PLD1: variants seen among roughly 807,000 people sequenced by gnomAD.
PLD1 encodes phospholipase D1.
PLD1 carries 112 observed loss-of-function variants against 137.1 expected under a neutral mutation model. The observed-to-expected ratio is 0.82, with a 90% CI of 0.70 to 0.96. The LOEUF is 0.96. Ranked by LOEUF, PLD1 falls within the 40% of genes least tolerant of loss-of-function variation. The pLI is 0.00. For missense variants in PLD1, 1,321 were observed against 1,342.0 expected, an observed-to-expected ratio of 0.98 and a Z score of 0.24; for synonymous variants, 431 against 454.7, an observed-to-expected ratio of 0.95 and a Z score of 0.66.
intron 14 of PLD1, among the ~76,000 whole-genome samples, chr3:171,688,351 T>TG (rs777831480): frequency 2.0e-5 from 3 of 152,354 alleles, no homozygotes; most frequent in Admixed American, 1.3e-4. Context: ...CCACATATTT[T>TG]TGTTTATGAA....
At position 171,737,521 on chromosome 3, in the gene PLD1, A is replaced by G. The variant is rs767471975; in HGVS notation, c.288+11T>C. On this transcript the variant is annotated intron_variant, in intron 3 of 26. Coordinates refer to ENST00000351298, the MANE Select transcript of PLD1 (RefSeq NM_002662.5). ...CAAAAGAAAAAAGGGTGAGTCCATA[A>G]ACGCTCTGACCCTTGTTGTAGATGT... The G allele has an allele frequency of 3.1e-6, 5 of 1,597,146 alleles. No individual in the cohort carries two copies. The Admixed American group carries it at 9.1e-5, about 29-fold the overall frequency.
intron 18 of PLD1, among the ~76,000 whole-genome samples, chr3:171,675,549 C>T (rs1233636431): frequency 1.3e-5 from 2 of 152,274 alleles, no homozygotes; most frequent in East Asian, 1.9e-4. Flanking sequence ...GAGCACACCA[C>T]AAAAACCACC....
At chr3:171,745,356 T>G (rs796498400) in intron 1 of PLD1, among the ~76,000 whole-genome samples, 17 of 152,322 alleles carry the variant, frequency 1.1e-4, no homozygotes, top group African/African-American at 3.8e-4. Flanking sequence ...TGCACAGTTG[T>G]GAGTGGTGGG....
At chr3:171,714,077 T>G in intron 8 of PLD1, 32 bp from the exon 9 acceptor site, 2 of 1,400,082 alleles carry the variant, frequency 1.4e-6, no homozygotes, top group Non-Finnish European at 2.0e-6. Flanking sequence ...TTTTAAAAGT[T>G]GCATTGAGTA....
At chr3:171,748,511 T>A (rs1226061072) in intron 1 of PLD1, among the ~76,000 whole-genome samples, 1 of 152,134 alleles carries the variant, frequency 6.6e-6, no homozygotes, top group Non-Finnish European at 1.5e-5. Context: ...TTTTCAATGA[T>A]AACCCATGAA....
intron 20 of PLD1, among the ~76,000 whole-genome samples, chr3:171,660,726 C>T (rs1488102614): frequency 2.0e-5 from 3 of 152,132 alleles, no homozygotes; most frequent in Non-Finnish European, 4.4e-5. Context: ...CTGCCTCAGC[C>T]TCCCAAGTAG....
At chr3:171,634,786 C>G (rs1578151796) in intron 23 of PLD1, among the ~76,000 whole-genome samples, 2 of 152,168 alleles carry the variant, frequency 1.3e-5, no homozygotes, top group East Asian at 3.9e-4. Flanking sequence ...AAATTTTATA[C>G]TACAAAATTC....
At chr3:171,794,393 G>T (rs908561127) in intron 1 of PLD1, among the ~76,000 whole-genome samples, 1 of 152,136 alleles carries the variant, frequency 6.6e-6, no homozygotes, top group Non-Finnish European at 1.5e-5. Flanking sequence ...TCCATTGGGG[G>T]TCTTGGGGCA....
Position 171,709,640 on chromosome 3 carries a change from G to T in PLD1, c.981C>A (p.Ile327=). 6.2e-7 allele frequency: 1 copy of T among 1,613,790 alleles called. No individual in the cohort carries two copies. Among genetic ancestry groups the T allele is most frequent in the Non-Finnish European group, 8.5e-7 (1 of 1,179,720 alleles). ...TGAGAAAGTTGGTGCCATGTTTCTG[G>T]ATGAATTCTTCTATAGCCCCTCCCC... The part of the protein sequence containing the change: ...RWWGGAIEEF[I]QKHGTNFLKD... The change falls in exon 10 of 27, where the codon ATC becomes ATA. Residue 327 remains isoleucine (I), a synonymous_variant. Coordinates refer to ENST00000351298, the MANE Select transcript of PLD1 (RefSeq NM_002662.5).
At chr3:171,636,837 C>T (rs978048743) in intron 23 of PLD1, among the ~76,000 whole-genome samples, 1 of 152,176 alleles carries the variant, frequency 6.6e-6, no homozygotes, top group Admixed American at 6.5e-5. Context: ...CATCACTGAT[C>T]ATAGAGGGGA....
At chr3:171,747,470 C>CTTTT (rs200205947) in intron 1 of PLD1, among the ~76,000 whole-genome samples, 23 of 143,110 alleles carry the variant, frequency 1.6e-4, no homozygotes, top group East Asian at 4.0e-4. Context: ...CTCTTCCTCT[C>CTTTT]TTTTTTTTTT....
chr3:171,734,961 A>G lies in PLD1; in HGVS notation c.444T>C (p.Phe148=), dbSNP rs370364590. 1.2e-6 allele frequency: 2 copies of G among 1,606,140 alleles called. No individual in the cohort carries two copies. The highest frequency in any genetic ancestry group is 2.2e-5 in the South Asian group (2 of 90,910). ...GCTCCTCTCTGACGTTTTGCCTCCT[A>G]AACGTGTGTCTAAAACACAAACACA... is the stretch of plus-strand genomic sequence containing the variant. ...RIPIPTRRHT[F]RRQNVREEPR... is the part of the protein sequence containing the mutation. The change falls in exon 5 of 27, where the codon TTT becomes TTC. Residue 148 remains phenylalanine, a synonymous_variant. Coordinates refer to ENST00000351298, the MANE Select transcript of PLD1 (RefSeq NM_002662.5).
At chr3:171,619,934 G>C (rs958754644) in intron 24 of PLD1, among the ~76,000 whole-genome samples, 4 of 151,382 alleles carry the variant, frequency 2.6e-5, no homozygotes, top group Non-Finnish European at 4.4e-5. Flanking sequence ...AAAAAAAAAA[G>C]GGAGTAATAA....
Position 171,699,746 on chromosome 3 carries a change from G to C in PLD1, c.1226C>G (p.Ala409Gly), listed in dbSNP as rs201602698. The part of the protein sequence containing the change: ...WRLDCILKRK[A>G]QQGVRIFIML... Reference sequence around the variant, plus strand: ...AGCATTTTCTGGGAAAGTACATACTGCTTTTCGTTTAAGAATGCAGTCCAA... The same window carrying C: ...AGCATTTTCTGGGAAAGTACATACTCCTTTTCGTTTAAGAATGCAGTCCAA... Residue 409 changes from alanine (A) to glycine (G), a missense_variant and splice_region_variant, in exon 12 of 27, where the codon GCA becomes GGA. Transcript: ENST00000351298. The C allele has an allele frequency of 8.3e-5, 133 of 1,608,162 alleles. No individual in the cohort carries two copies. Among genetic ancestry groups the C allele is most frequent in the Non-Finnish European group, 5.5e-5 (65 of 1,174,822 alleles).
intron 13 of PLD1, among the ~76,000 whole-genome samples, chr3:171,690,598 C>T (rs1006170872): frequency 9.9e-5 from 15 of 152,068 alleles, no homozygotes; most frequent in African/African-American, 3.6e-4. Flanking sequence ...TTTGTTTTAT[C>T]ATTGCTTGTT....
At chr3:171,639,848 C>CTCTTTATA (rs3050415) in intron 23 of PLD1, among the ~76,000 whole-genome samples, 1 of 110,214 alleles carries the variant, frequency 9.1e-6, no homozygotes, top group Non-Finnish European at 1.7e-5. Context: ...CTCTCTCTCT[C>CTCTTTATA]TATATATATA....
intron 6 of PLD1, among the ~76,000 whole-genome samples, chr3:171,732,551 A>G (rs187804182): frequency 6.6e-6 from 1 of 152,346 alleles, no homozygotes; most frequent in African/African-American, 2.4e-5. Flanking sequence ...ATGCTCTTGC[A>G]TCCTCTCCAA....
At chr3:171,711,453 G>A (rs1717223377) in intron 9 of PLD1, among the ~76,000 whole-genome samples, 1 of 152,058 alleles carries the variant, frequency 6.6e-6, no homozygotes, top group Admixed American at 6.6e-5. Flanking sequence ...ATAGGCGTGA[G>A]CCACCGCACC....
At chr3:171,627,849 A>T (rs371773514) in intron 23 of PLD1, among the ~76,000 whole-genome samples, 1 of 152,258 alleles carries the variant, frequency 6.6e-6, no homozygotes, top group South Asian at 2.1e-4. Flanking sequence ...TCTCTGGGAC[A>T]CATTCAAAGC....
Sources: allele counts gnomAD v4.1 joint callset (sites outside exome capture counted in the v4.1 genomes callset), GRCh38; gene constraint gnomAD v4.1.1; transcripts MANE v1.5; gene names NCBI Gene and HGNC (gene_info 2026-07-23, HGNC 2026-07-21).